The following SMYD3 variants were observed in gnomAD, a reference collection of about 807,000 sequenced individuals.
The protein encoded by SMYD3 is SET and MYND domain containing 3.
Under a neutral mutation model 57.7 loss-of-function variants are expected in SMYD3, and 36 were observed. The ratio of observed to expected loss-of-function variants is 0.62; its 90% CI spans 0.48 to 0.82. The LOEUF (loss-of-function observed/expected upper bound fraction) is 0.82. SMYD3 is among the 40% of genes least tolerant of loss of function. SMYD3 has a pLI of 0.00. For synonymous variants in SMYD3, 211 were observed against 195.0 expected, an observed-to-expected ratio of 1.08 and a Z score of -0.68; for missense variants, 515 against 538.8, an observed-to-expected ratio of 0.96 and a Z score of 0.44.
intron 5 of SMYD3, among the ~76,000 whole-genome samples, chr1:245,990,789 T>C (rs929625183): frequency 6.6e-6 from 1 of 152,198 alleles, no homozygotes; most frequent in African/African-American, 2.4e-5. Flanking sequence ...ATGTCGGACT[T>C]TGGACCTACA....
chr1:246,350,082 C>T (rs1389395110), intron 2 of SMYD3, among the ~76,000 whole-genome samples: 8 of 152,072 alleles, frequency 5.3e-5, no homozygotes, highest in South Asian at 2.1e-4. Flanking sequence ...AAAGATATAC[C>T]GTGCTAACAC....
chr1:246,187,700 ATCT>A (rs1364010740), intron 5 of SMYD3, among the ~76,000 whole-genome samples: 1 of 152,236 alleles, frequency 6.6e-6, no homozygotes, highest in Non-Finnish European at 1.5e-5. Context: ...ATTTTTATTC[ATCT>A]TTTTTGAAAC....
In SMYD3 at chr1:245,872,660, C is replaced by T. The variant is rs113907352; in HGVS notation, c.814-8774G>A. Among the ~76,000 whole-genome samples, 8 of 152,354 alleles carry T rather than the reference C, an allele frequency of 5.3e-5. 1 individual carries two copies. Among genetic ancestry groups the T allele is most frequent in the African/African-American group, 1.9e-4 (8 of 41,590 alleles). On this transcript the variant is annotated intron_variant, in intron 8 of 11. Transcript: ENST00000490107. ...CCACTGGCAGCTCTGTTCCATTTCA[C>T]TTTACATTCCCACCGTCGCTGCCAG...
At chr1:246,398,887 A>G (rs1214636194) in intron 1 of SMYD3, among the ~76,000 whole-genome samples, 1 of 152,214 alleles carries the variant, frequency 6.6e-6, no homozygotes, top group Non-Finnish European at 1.5e-5. Flanking sequence ...TCCAACACCC[A>G]GCCCTCTTTC....
At chr1:245,907,090 C>G (rs9725616) in intron 8 of SMYD3, among the ~76,000 whole-genome samples, 117,798 of 152,116 alleles carry the variant, frequency 0.77, 50,528 homozygotes, top group Non-Finnish European at 0.95. Flanking sequence ...TTACAGGGGA[C>G]GTGAGGATGG....
At chr1:246,390,839 C>T (rs1264342147) in intron 1 of SMYD3, among the ~76,000 whole-genome samples, 1 of 152,044 alleles carries the variant, frequency 6.6e-6, no homozygotes, top group Non-Finnish European at 1.5e-5. Context: ...GTGGGCAGTA[C>T]AGCACTAGAG....
chr1:246,076,668 T>C (rs1199010526), intron 5 of SMYD3, among the ~76,000 whole-genome samples: 1 of 126,252 alleles, frequency 7.9e-6, no homozygotes, highest in African/African-American at 4.1e-5. Flanking sequence ...TAGCATTCTG[T>C]CTGGTTTTGT....
rs113414380 is a variant in SMYD3, at chr1:246,148,010, C to T, written c.531+179191G>A. ...TCTGATCTCCGACCGGGGTTGGGGC[C>T]GAGCCCGGGGCAGCAGGAGGCAGAG... On this transcript the variant is annotated intron_variant, in intron 5 of 11. Coordinates refer to ENST00000490107, the MANE Select transcript of SMYD3 (RefSeq NM_001167740.2). Among the ~76,000 whole-genome samples the T allele has an allele frequency of 2.1e-3, 314 of 152,214 alleles. 2 individuals are homozygous for T. Among genetic ancestry groups the T allele is most frequent in the African/African-American group, 7.1e-3 (295 of 41,550 alleles).
chr1:246,377,720 T>C (rs2066302846), intron 1 of SMYD3, among the ~76,000 whole-genome samples: 1 of 152,182 alleles, frequency 6.6e-6, no homozygotes, highest in African/African-American at 2.4e-5. Context: ...TCCCTGAAAG[T>C]CCCATGGGTA....
chr1:246,074,459 A>G (rs1162045252), intron 5 of SMYD3, among the ~76,000 whole-genome samples: 1 of 152,170 alleles, frequency 6.6e-6, no homozygotes, highest in African/African-American at 2.4e-5. Context: ...TATATAACAT[A>G]CCAAATATAA....
intron 5 of SMYD3, among the ~76,000 whole-genome samples, chr1:246,247,201 TTGCCAGA>T (rs2063718242): frequency 1.3e-5 from 2 of 152,122 alleles, no homozygotes; most frequent in Admixed American, 1.3e-4. Flanking sequence ...GTATAACGAA[TTGCCAGA>T]TGCTGGACTC....
At chr1:245,904,152 G>A (rs991462129) in intron 8 of SMYD3, among the ~76,000 whole-genome samples, 4 of 152,156 alleles carry the variant, frequency 2.6e-5, no homozygotes, top group African/African-American at 9.7e-5. Context: ...CAGGTCAAGG[G>A]AAGAACCTGG....
rs550654680 is a variant in SMYD3, at chr1:245,967,600, A to T, written c.532-37663T>A. On this transcript the variant is annotated intron_variant, in intron 5 of 11. Coordinates refer to ENST00000490107, the MANE Select transcript of SMYD3 (RefSeq NM_001167740.2). ...CTGTGATTACTTCCGGTGTCTACCT[A>T]GTGTGAAATGTGTTGAGTCAATGAA... Among the ~76,000 whole-genome samples the T allele has an allele frequency of 1.1e-4, 16 of 152,328 alleles. 1 individual carries two copies. The highest frequency in any genetic ancestry group is 3.8e-4 in the African/African-American group (16 of 41,572).
chr1:246,010,790 T>G (rs1159673472), intron 5 of SMYD3, among the ~76,000 whole-genome samples: 1 of 152,244 alleles, frequency 6.6e-6, no homozygotes, highest in Admixed American at 6.5e-5. Context: ...ATGGTGTCTA[T>G]GGATATCTGC....
At chr1:245,860,040 C>T (rs1307473714) in intron 9 of SMYD3, among the ~76,000 whole-genome samples, 1 of 152,198 alleles carries the variant, frequency 6.6e-6, no homozygotes, top group African/African-American at 2.4e-5. Context: ...ATGCACAAAG[C>T]ACATGCTACA....
intron 5 of SMYD3, among the ~76,000 whole-genome samples, chr1:246,284,120 C>T (rs926483104): frequency 4.6e-5 from 7 of 152,140 alleles, no homozygotes; most frequent in African/African-American, 1.4e-4. Context: ...TCAAAAGCAC[C>T]GGTGAGTATG....
At chr1:245,913,513 TAA>T (rs1178301738) in intron 8 of SMYD3, among the ~76,000 whole-genome samples, 1 of 140,182 alleles carries the variant, frequency 7.1e-6, no homozygotes. Context: ...AACTATAATT[TAA>T]AAAAAAAAAA....
intron 1 of SMYD3, among the ~76,000 whole-genome samples, chr1:246,446,409 A>G (rs1412413805): frequency 6.6e-6 from 1 of 152,204 alleles, no homozygotes; most frequent in Non-Finnish European, 1.5e-5. Flanking sequence ...ATAAAAACAT[A>G]ATCTTTCAAA....
intron 1 of SMYD3, among the ~76,000 whole-genome samples, chr1:246,382,368 G>C (rs2066402823): frequency 6.6e-6 from 1 of 152,106 alleles, no homozygotes; most frequent in Non-Finnish European, 1.5e-5. Flanking sequence ...CTAGACTCCA[G>C]GCCAGCACCC....
Sources: gnomAD v4.1 joint callset for allele counts (sites outside exome capture counted in the v4.1 genomes callset) on GRCh38, gnomAD v4.1.1 for gene constraint, MANE v1.5 for transcripts, NCBI Gene and HGNC (gene_info 2026-07-23, HGNC 2026-07-21) for gene names.